LRRC37A2: variants seen among roughly 807,000 people sequenced by gnomAD.
LRRC37A2 encodes the protein leucine-rich repeat-containing protein 37A2.
In LRRC37A2, 9 loss-of-function variants were observed where a neutral mutation model predicts 68.8. The ratio of observed to expected loss-of-function variants is 0.13; its 90% CI spans 0.08 to 0.23. The LOEUF (loss-of-function observed/expected upper bound fraction) is 0.23, where lower values mean the gene tolerates loss of function less well. Ranked by LOEUF, LRRC37A2 falls within the 10% of genes least tolerant of loss-of-function variation. LRRC37A2 has a pLI of 1.00. For missense variants in LRRC37A2, 168 were observed against 950.4 expected (o/e 0.18, Z 10.82); for synonymous variants, 63 against 367.6 (o/e 0.17, Z 9.48).
At chr17:47,010,202 C>T in the LRRC37A2 span, among the ~76,000 whole-genome samples, 3 of 152,366 alleles carry the variant, frequency 2.0e-5, no homozygotes, top group Admixed American at 6.5e-5. Flanking sequence ...AGAAGCTTAG[C>T]GCCTCAGATG....
At chr17:47,024,246 GT>G in the LRRC37A2 span, among the ~76,000 whole-genome samples, 1 of 152,174 alleles carries the variant, frequency 6.6e-6, no homozygotes, top group African/African-American at 2.4e-5. Flanking sequence ...GCACATTATA[GT>G]TCTCCAATTT....
At chr17:46,779,514 C>T in the LRRC37A2 span, among the ~76,000 whole-genome samples, 1 of 152,202 alleles carries the variant, frequency 6.6e-6, no homozygotes, top group Non-Finnish European at 1.5e-5. Flanking sequence ...CCAGCTGGGC[C>T]GAGGACACAC....
chr17:46,978,592 G>T, the LRRC37A2 span: 20 of 1,532,248 alleles, frequency 1.3e-5, no homozygotes, highest in Non-Finnish European at 3.5e-6. Flanking sequence ...GAGGGTCCGG[G>T]TCTCCGGGGT....
chr17:46,856,531 C>A, the LRRC37A2 span, among the ~76,000 whole-genome samples: 2 of 150,636 alleles, frequency 1.3e-5, no homozygotes, highest in African/African-American at 4.9e-5. Context: ...GTCGCCCAGG[C>A]TGGAATGCAG....
the LRRC37A2 span, among the ~76,000 whole-genome samples, chr17:46,745,707 AC>A: frequency 1.3e-5 from 2 of 152,338 alleles, no homozygotes; most frequent in African/African-American, 4.8e-5. Flanking sequence ...AGTAACAGTT[AC>A]CTTTAATCAT....
At chr17:46,992,669 A>G in the LRRC37A2 span, among the ~76,000 whole-genome samples, 1 of 152,120 alleles carries the variant, frequency 6.6e-6, no homozygotes, top group Non-Finnish European at 1.5e-5. Context: ...CCTGGCCAAC[A>G]TGGTAAAACC....
At chr17:47,007,596 C>G in the LRRC37A2 span, among the ~76,000 whole-genome samples, 2,519 of 152,294 alleles carry the variant, frequency 0.017, 26 homozygotes, top group Non-Finnish European at 0.027. Flanking sequence ...TCTGGAAAAT[C>G]AGATACATCA....
the LRRC37A2 span, among the ~76,000 whole-genome samples, chr17:46,792,891 G>A: frequency 2.0e-5 from 3 of 152,064 alleles, no homozygotes; most frequent in Admixed American, 6.6e-5. Context: ...CAATTTAACG[G>A]ATGATGACAT....
At chr17:46,839,125 G>A in the LRRC37A2 span, among the ~76,000 whole-genome samples, 2 of 152,156 alleles carry the variant, frequency 1.3e-5, no homozygotes, top group Admixed American at 6.5e-5. Context: ...AGTTCCGCCC[G>A]CCTCGGCCTC....
At chr17:47,041,452 CT>C in the LRRC37A2 span, among the ~76,000 whole-genome samples, 382 of 36,478 alleles carry the variant, frequency 0.01, 5 homozygotes, top group African/African-American at 0.036. Flanking sequence ...TTGGATGTCT[CT>C]TTTTTTTTTT....
At chr17:46,542,792 A>G (rs1229687358) in intron 8 of LRRC37A2, among the ~76,000 whole-genome samples, 9 of 150,658 alleles carry the variant, frequency 6.0e-5, no homozygotes, top group African/African-American at 2.0e-4. Flanking sequence ...TGCAACTTCA[A>G]TTGTGCCACC....
chr17:46,935,638 G>A, the LRRC37A2 span: 2 of 1,005,982 alleles, frequency 2.0e-6, no homozygotes, highest in African/African-American at 1.7e-5. Context: ...TGTTAGGGCT[G>A]CCTGGTTGTT....
chr17:46,785,442 G>A, the LRRC37A2 span, among the ~76,000 whole-genome samples: 2 of 152,352 alleles, frequency 1.3e-5, no homozygotes, highest in South Asian at 4.1e-4. Flanking sequence ...CATGCACACG[G>A]AGAAAAGATA....
the LRRC37A2 span, among the ~76,000 whole-genome samples, chr17:47,012,833 C>G: frequency 6.6e-6 from 1 of 152,184 alleles, no homozygotes; most frequent in East Asian, 1.9e-4. Flanking sequence ...AAAGCTTAAA[C>G]CTAGGGTTAC....
At chr17:46,929,433 A>C in the LRRC37A2 span, 7 of 774,364 alleles carry the variant, frequency 9.0e-6, no homozygotes, top group Admixed American at 1.7e-5. Flanking sequence ...AATCAGTTAC[A>C]TGTTGGCATC....
At chr17:46,558,836 C>CTTTTTTTT (rs765462293), downstream of LRRC37A2, 30 of 71,770 alleles carry the variant, frequency 4.2e-4, no homozygotes, top group African/African-American at 7.9e-4. Flanking sequence ...CTCTTTTATT[C>CTTTTTTTT]TTTTTTTTTT....
the LRRC37A2 span, chr17:46,923,198 T>A: frequency 2.6e-6 from 4 of 1,547,326 alleles, no homozygotes; most frequent in South Asian, 1.2e-5. Context: ...GCGACATGGA[T>A]CCCCTGTTCC....
At chr17:46,977,152 C>A in the LRRC37A2 span, among the ~76,000 whole-genome samples, 1 of 152,186 alleles carries the variant, frequency 6.6e-6, no homozygotes, top group Non-Finnish European at 1.5e-5. Context: ...TCCCCCACCC[C>A]ACCTGTGCCA....
the LRRC37A2 span, among the ~76,000 whole-genome samples, chr17:46,712,624 G>A: frequency 2.6e-5 from 4 of 152,210 alleles, no homozygotes; most frequent in African/African-American, 9.7e-5. Flanking sequence ...ATGTGGGTCT[G>A]GCTAGCAGTA....
Sources: gnomAD v4.1 joint callset for allele counts (sites outside exome capture counted in the v4.1 genomes callset) on GRCh38, gnomAD v4.1.1 for gene constraint, MANE v1.5 for transcripts, NCBI Gene and HGNC (gene_info 2026-07-23, HGNC 2026-07-21) for gene names.